SQOR: variants seen among roughly 807,000 people sequenced by gnomAD.
The protein encoded by SQOR is sulfide quinone oxidoreductase.
SQOR carries 39 observed loss-of-function variants against 48.6 expected under a neutral mutation model. That is an observed-to-expected ratio of 0.80 (90% CI 0.62 to 1.05). The LOEUF (loss-of-function observed/expected upper bound fraction) is 1.05, where lower values mean the gene tolerates loss of function less well. Among genes scored for constraint, SQOR ranks in the 50% least tolerant of loss-of-function variants. The probability of loss-of-function intolerance (pLI) is 0.00; values close to 1 mark genes in which losing one functional copy is unlikely to be tolerated. For missense variants in SQOR, 561 were observed against 559.9 expected (o/e 1.00, Z -0.02); for synonymous variants, 220 against 206.2 (o/e 1.07, Z -0.57).
intron 6 of SQOR, among the ~76,000 whole-genome samples, chr15:45,681,587 T>C (rs1346530063): frequency 2.0e-5 from 3 of 152,222 alleles, no homozygotes; most frequent in Non-Finnish European, 2.9e-5. Context: ...TGTCTTCAAC[T>C]GCTTAAGTTT....
upstream of SQOR, among the ~76,000 whole-genome samples, chr15:45,634,280 A>G (rs1894956276): frequency 6.8e-6 from 1 of 146,406 alleles, no homozygotes; most frequent in Non-Finnish European, 1.5e-5. Flanking sequence ...TCAAGGGTTT[A>G]TTTTTGTTTG....
intron 1 of SQOR, among the ~76,000 whole-genome samples, chr15:45,636,670 G>A (rs577591216): frequency 1.3e-5 from 2 of 152,066 alleles, no homozygotes; most frequent in South Asian, 4.1e-4. Context: ...CCAAAGTTCT[G>A]GGATTACAGG....
At chr15:45,677,803 C>T (rs570957914) in intron 6 of SQOR, among the ~76,000 whole-genome samples, 4 of 152,304 alleles carry the variant, frequency 2.6e-5, no homozygotes, top group South Asian at 4.1e-4. Context: ...CAGGTTCAAG[C>T]GATTCTCTTG....
At chr15:45,690,339 T>C (rs1232935174) in intron 9 of SQOR, among the ~76,000 whole-genome samples, 1 of 152,222 alleles carries the variant, frequency 6.6e-6, no homozygotes, top group Non-Finnish European at 1.5e-5. Flanking sequence ...GTGCTGGGAT[T>C]ACCGGTGTGA....
At chr15:45,637,098 C>T (rs1217941997) in intron 1 of SQOR, among the ~76,000 whole-genome samples, 1 of 152,006 alleles carries the variant, frequency 6.6e-6, no homozygotes, top group East Asian at 1.9e-4. Flanking sequence ...TCGCCTGCCT[C>T]AGCATCCCTA....
chr15:45,689,744 G>A (rs1890289211), intron 9 of SQOR, among the ~76,000 whole-genome samples: 1 of 151,972 alleles, frequency 6.6e-6, no homozygotes, highest in Admixed American at 6.6e-5. Context: ...TTATTGTTAT[G>A]GGAGAAACCA....
chr15:45,633,716 A>G (rs1228110462), upstream of SQOR, among the ~76,000 whole-genome samples: 1 of 150,938 alleles, frequency 6.6e-6, no homozygotes, highest in East Asian at 1.9e-4. Flanking sequence ...AAAAAAAAGA[A>G]GAAGAAGAAA....
intron 3 of SQOR, among the ~76,000 whole-genome samples, chr15:45,666,834 CCCCT>C (rs1889830293): frequency 3.0e-5 from 1 of 33,642 alleles, no homozygotes; most frequent in Non-Finnish European, 6.3e-5. Context: ...CCTCTCCTCT[CCCCT>C]CCCCTCCCCT....
chr15:45,677,183 TTCC>T (rs1890052562), intron 6 of SQOR, among the ~76,000 whole-genome samples: 2 of 152,114 alleles, frequency 1.3e-5, no homozygotes, highest in South Asian at 4.1e-4. Context: ...GATTTCTTCC[TTCC>T]TTCCTTCCTT....
intron 1 of SQOR, among the ~76,000 whole-genome samples, chr15:45,650,143 T>C (rs1889446915): frequency 6.6e-6 from 1 of 152,026 alleles, no homozygotes. Flanking sequence ...GTGCCTGACT[T>C]TTTTTTAAGC....
In SQOR at chr15:45,655,875, C is replaced by CG. The variant is rs559475006; in HGVS notation, c.-17-3029dup. Reference sequence around the variant, plus strand: ...ATTTTTTTTTGTATTTTAGTAGAGACGGGATTTCACCATGTTGGCCAGGAT... The same window carrying CG: ...ATTTTTTTTTGTATTTTAGTAGAGACGGGGATTTCACCATGTTGGCCAGGAT... On this transcript the variant is annotated intron_variant, in intron 1 of 9. Coordinates refer to ENST00000260324, the MANE Select transcript of SQOR (RefSeq NM_021199.4). Among the ~76,000 whole-genome samples, 39 of 151,716 alleles carry CG rather than the reference C, an allele frequency of 2.6e-4. 1 individual carries two copies. The East Asian group carries it at 5.6e-3, about 22-fold the overall frequency.
At chr15:45,666,694 C>T (rs1190367270) in intron 3 of SQOR, among the ~76,000 whole-genome samples, 1 of 151,872 alleles carries the variant, frequency 6.6e-6, no homozygotes. Context: ...GCAGGCTTAT[C>T]ATCTGTGAAC....
intron 1 of SQOR, among the ~76,000 whole-genome samples, chr15:45,640,367 A>C (rs966442525): frequency 6.6e-6 from 1 of 152,138 alleles, no homozygotes; most frequent in African/African-American, 2.4e-5. Context: ...AGCATGGCCC[A>C]AAATGGGTCA....
At chr15:45,658,274 C>CT (rs1352944823) in intron 1 of SQOR, among the ~76,000 whole-genome samples, 2 of 152,108 alleles carry the variant, frequency 1.3e-5, no homozygotes. Context: ...AGGGCCTTCA[C>CT]TTGTGTGTCG....
At chr15:45,683,889 TATTTTTG>T (rs1890171658) in intron 7 of SQOR, among the ~76,000 whole-genome samples, 1 of 135,070 alleles carries the variant, frequency 7.4e-6, no homozygotes, top group Non-Finnish European at 1.7e-5. Context: ...TATATATATA[TATTTTTG>T]TTTGTTTGTT....
chr15:45,682,015 A>C (rs1451707312), intron 6 of SQOR, among the ~76,000 whole-genome samples: 1 of 152,202 alleles, frequency 6.6e-6, no homozygotes, highest in Non-Finnish European at 1.5e-5. Context: ...CTTTCTTACC[A>C]GCTCCTAACA....
chr15:45,674,604 T>C (rs1362886482), intron 5 of SQOR, among the ~76,000 whole-genome samples: 2 of 152,142 alleles, frequency 1.3e-5, no homozygotes. Context: ...TGGGTATACA[T>C]TAAAAAAATA....
At chr15:45,663,894 G>A (rs1163002597) in intron 3 of SQOR, among the ~76,000 whole-genome samples, 2 of 152,218 alleles carry the variant, frequency 1.3e-5, no homozygotes, top group South Asian at 2.1e-4. Context: ...TAAGCCAGGT[G>A]CAGTTTTAGG....
rs116305859 is a variant in SQOR, at chr15:45,665,343, A to G, written c.405+3218A>G. Among the ~76,000 whole-genome samples the G allele has an allele frequency of 2.0e-3, 305 of 152,222 alleles. 1 individual carries two copies. The highest frequency in any genetic ancestry group is 7.1e-3 in the African/African-American group (293 of 41,526). On this transcript the variant is annotated intron_variant, in intron 3 of 9. Coordinates refer to ENST00000260324, the MANE Select transcript of SQOR (RefSeq NM_021199.4). ...GCCAGATATCAGAAATACACATGAC[A>G]TCTCATGTGAGAAATCATCCTGCTG...
Sources: gnomAD v4.1 joint callset for allele counts (sites outside exome capture counted in the v4.1 genomes callset) on GRCh38, gnomAD v4.1.1 for gene constraint, MANE v1.5 for transcripts, NCBI Gene and HGNC (gene_info 2026-07-23, HGNC 2026-07-21) for gene names.